ATG10: variants seen among roughly 807,000 people sequenced by gnomAD.
ATG10 encodes the protein ubiquitin-like-conjugating enzyme ATG10.
ATG10 carries 30 observed loss-of-function variants against 32.1 expected under a neutral mutation model. The ratio of observed to expected loss-of-function variants is 0.94; its 90% CI spans 0.70 to 1.27. The LOEUF is 1.27. Among genes scored for constraint, ATG10 ranks in the 50% most tolerant of loss-of-function variants. The pLI is 0.00. For missense variants in ATG10, 233 were observed against 262.3 expected (o/e 0.89, Z 0.77); for synonymous variants, 87 against 91.5 (o/e 0.95, Z 0.28).
intron 3 of ATG10, among the ~76,000 whole-genome samples, chr5:82,124,049 GT>G (rs529226349): frequency 1.3e-5 from 2 of 149,542 alleles, no homozygotes; most frequent in Non-Finnish European, 3.0e-5. Flanking sequence ...TCTACTTTTT[GT>G]TTTTTTCCAC....
chr5:82,162,274 A>G (rs1743384074), intron 3 of ATG10, among the ~76,000 whole-genome samples: 1 of 152,180 alleles, frequency 6.6e-6, no homozygotes, highest in Non-Finnish European at 1.5e-5. Flanking sequence ...ACCAATAAAC[A>G]TATTGGTAAA....
intron 2 of ATG10, among the ~76,000 whole-genome samples, chr5:82,004,134 T>A (rs1005723049): frequency 0.023 from 21 of 904 alleles, no homozygotes; most frequent in African/African-American, 0.062. Context: ...CAAGACTCCG[T>A]CTCAAAAAAA....
At chr5:82,154,776 C>T (rs957700247) in intron 3 of ATG10, among the ~76,000 whole-genome samples, 9 of 152,200 alleles carry the variant, frequency 5.9e-5, no homozygotes, top group Middle Eastern at 6.3e-3. Flanking sequence ...GTGCCTGGCA[C>T]GTCATAGATA....
chr5:82,213,011 A>T (rs1189480568), intron 5 of ATG10, among the ~76,000 whole-genome samples: 1 of 152,244 alleles, frequency 6.6e-6, no homozygotes, highest in Non-Finnish European at 1.5e-5. Flanking sequence ...ACTTTCAGGT[A>T]GTCCAAATAG....
intron 2 of ATG10, among the ~76,000 whole-genome samples, chr5:82,051,463 A>G (rs368246493): frequency 3.9e-5 from 6 of 152,228 alleles, no homozygotes; most frequent in African/African-American, 1.4e-4. Context: ...AAGACGTGCA[A>G]ATTTCTTTAT....
intron 3 of ATG10, chr5:82,147,632 T>G (rs1415265561): frequency 1.3e-5 from 2 of 152,276 alleles, no homozygotes; most frequent in African/African-American, 4.8e-5. Flanking sequence ...TAAGCTGCTT[T>G]CAGATTGCCC....
chr5:82,227,851 T>C (rs1746195156), intron 5 of ATG10, among the ~76,000 whole-genome samples: 1 of 152,164 alleles, frequency 6.6e-6, no homozygotes, highest in Non-Finnish European at 1.5e-5. Flanking sequence ...ATTATAATAA[T>C]AGGTTATTGT....
intron 2 of ATG10, among the ~76,000 whole-genome samples, chr5:82,031,206 A>G (rs527524505): frequency 1.6e-4 from 24 of 152,328 alleles, no homozygotes; most frequent in South Asian, 4.1e-4. Flanking sequence ...ATCATATCAA[A>G]TTTGAAGAAC....
chr5:82,014,968 GTTGTTCCT>G, intron 2 of ATG10, among the ~76,000 whole-genome samples: 1 of 152,212 alleles, frequency 6.6e-6, no homozygotes, highest in Middle Eastern at 3.2e-3. Flanking sequence ...GCTGGTACCG[GTTGTTCCT>G]TTCCATGTTT....
intron 5 of ATG10, among the ~76,000 whole-genome samples, chr5:82,195,617 A>G (rs1465696903): frequency 6.6e-6 from 1 of 152,196 alleles, no homozygotes; most frequent in Non-Finnish European, 1.5e-5. Flanking sequence ...GAGATTTTAT[A>G]TCAATGAAAT....
intron 2 of ATG10, among the ~76,000 whole-genome samples, chr5:82,019,314 AT>A (rs886793409): frequency 1.2e-4 from 19 of 152,070 alleles, no homozygotes; most frequent in South Asian, 4.1e-4. Context: ...GTAAAAATGG[AT>A]TTTTTTCTAT....
chr5:81,994,039 C>T (rs1761586742), intron 2 of ATG10, among the ~76,000 whole-genome samples: 2 of 152,298 alleles, frequency 1.3e-5, no homozygotes, highest in South Asian at 2.1e-4. Context: ...TCGGCTGCCT[C>T]TACACTAATT....
chr5:81,991,553 G>A (rs1761459240), intron 2 of ATG10, among the ~76,000 whole-genome samples: 1 of 151,958 alleles, frequency 6.6e-6, no homozygotes, highest in Non-Finnish European at 1.5e-5. Flanking sequence ...GTTTACTTTG[G>A]GAGGCCAAGG....
At chr5:82,015,795 G>T (rs1370982729) in intron 2 of ATG10, among the ~76,000 whole-genome samples, 1 of 152,178 alleles carries the variant, frequency 6.6e-6, no homozygotes, top group Non-Finnish European at 1.5e-5. Flanking sequence ...GCTCAGAGAA[G>T]TTTGATCATC....
chr5:82,140,001 G>A (rs1313528823), intron 3 of ATG10, among the ~76,000 whole-genome samples: 6 of 124,138 alleles, frequency 4.8e-5, no homozygotes, highest in South Asian at 2.8e-4. Context: ...GCCTCTGCCC[G>A]GCCGCCCCTA....
At chr5:82,236,457 T>C (rs1323650908) in intron 5 of ATG10, among the ~76,000 whole-genome samples, 1 of 152,166 alleles carries the variant, frequency 6.6e-6, no homozygotes, top group East Asian at 1.9e-4. Flanking sequence ...CAGACACTGC[T>C]CTCTAATCCA....
At chr5:82,130,099 G>A (rs543365161) in intron 3 of ATG10, among the ~76,000 whole-genome samples, 4 of 152,300 alleles carry the variant, frequency 2.6e-5, no homozygotes, top group East Asian at 1.9e-4. Flanking sequence ...AAGCTGCGGC[G>A]GGCTCCGCCC....
intron 2 of ATG10, among the ~76,000 whole-genome samples, chr5:82,045,615 A>C (rs1426419095): frequency 6.6e-6 from 1 of 152,146 alleles, no homozygotes; most frequent in East Asian, 1.9e-4. Flanking sequence ...GTTCTGATAG[A>C]TGACACAGAG....
intron 3 of ATG10, among the ~76,000 whole-genome samples, chr5:82,072,232 C>T (rs1028584174): frequency 3.3e-5 from 5 of 152,014 alleles, no homozygotes; most frequent in Admixed American, 3.3e-4. Context: ...TGGCCTTTGT[C>T]CTTGTCTATG....
Sources: gnomAD v4.1 joint callset for allele counts (sites outside exome capture counted in the v4.1 genomes callset) on GRCh38, gnomAD v4.1.1 for gene constraint, MANE v1.5 for transcripts, NCBI Gene and HGNC (gene_info 2026-07-23, HGNC 2026-07-21) for gene names.